The following SEMA6C variants were observed in gnomAD, a reference collection of about 807,000 sequenced individuals.
The protein encoded by SEMA6C is semaphorin 6C, also known as semaphorin-6C.
A neutral mutation model predicts 72.9 loss-of-function variants in SEMA6C; 37 were observed. That is an observed-to-expected ratio of 0.51 (90% CI 0.39 to 0.67). The LOEUF (loss-of-function observed/expected upper bound fraction) is 0.67, where lower values mean the gene tolerates loss of function less well. Among genes scored for constraint, SEMA6C ranks in the 30% least tolerant of loss-of-function variants. The probability of loss-of-function intolerance (pLI) is 0.00; values close to 1 mark genes in which losing one functional copy is unlikely to be tolerated. For missense variants in SEMA6C, 1,189 were observed against 1,263.6 expected (o/e 0.94, Z 0.89); for synonymous variants, 578 against 554.1 (o/e 1.04, Z -0.61).
At chr1:151,140,424 G>C (rs1330900952) in intron 3 of SEMA6C, among the ~76,000 whole-genome samples, 3 of 152,200 alleles carry the variant, frequency 2.0e-5, no homozygotes, top group African/African-American at 7.2e-5. Context: ...TCTGCCTCTG[G>C]AGTTGAGCCT....
chr1:151,142,511 G>A lies in SEMA6C; in HGVS notation c.111C>T (p.Asp37=), dbSNP rs776680132. ...TAGGTACTGGGCACTCACCTTGAAG[G>A]TCAGAGATCAACAGAGGGAGGGGGT... The part of the protein sequence containing the change: ...PQDPLPLLIS[D]LQGTSPLSWF... Residue 37 remains aspartate, a synonymous_variant, in exon 3 of 19, where the codon GAC becomes GAT. Transcript: ENST00000368914. 3 of 1,613,268 alleles carry A rather than the reference G, an allele frequency of 1.9e-6. No individual in the cohort carries two copies. In the African/African-American group the frequency reaches 4.0e-5, roughly 22 times the overall value.
chr1:151,135,977 G>A (rs1271798879), intron 13 of SEMA6C, 34 bp downstream of exon 13: 3 of 1,613,204 alleles, frequency 1.9e-6, no homozygotes, highest in South Asian at 2.2e-5. Context: ...GCTGAGAACA[G>A]GGAGGCAGTG....
chr1:151,139,587 C>T, intron 5 of SEMA6C, 51 bp downstream of exon 5: 2 of 1,607,364 alleles, frequency 1.2e-6, no homozygotes, highest in Non-Finnish European at 1.7e-6. Context: ...CACATTAGAC[C>T]TTTCCCAGCC....
Position 151,133,612 on chromosome 1 carries a change from A to G in SEMA6C, c.1760-95T>C. The G allele has an allele frequency of 1.4e-6, 2 of 1,432,264 alleles. No individual in the cohort carries two copies. Among genetic ancestry groups the G allele is most frequent in the South Asian group, 1.5e-5 (1 of 67,192 alleles). The allele number at this position is 1,432,264 out of a possible 1,614,324, so 88.7% of individuals were successfully genotyped here. A position where few individuals can be genotyped will look rare whatever the true frequency, so the allele number is the denominator to read the frequency against. ...GCCGGCAGTTCCCAGGCCTGACATC[A>G]TCGTCCCTCCCGCTGCTACTCAGCC... On this transcript the variant is annotated intron_variant, in intron 18 of 18. Coordinates refer to ENST00000368914, the MANE Select transcript of SEMA6C (RefSeq NM_030913.6). This position sits in a 1 kb window ranked among gnomAD's most constrained non-coding sequence, Gnocchi z 5.9.
At chr1:151,144,828 T>C (rs587664785) in intron 1 of SEMA6C, among the ~76,000 whole-genome samples, 1 of 152,284 alleles carries the variant, frequency 6.6e-6, no homozygotes, top group African/African-American at 2.4e-5. Flanking sequence ...TTACATGCTC[T>C]TCATTTCCAG....
In SEMA6C at chr1:151,132,153, G is replaced by C; in HGVS notation, c.*331C>G. 1.5e-6 allele frequency: 2 copies of C among 1,357,132 alleles called. No homozygotes were observed. The highest frequency in any genetic ancestry group is 1.9e-6 in the Non-Finnish European group (2 of 1,036,308). The allele number at this position is 1,357,132 out of a possible 1,614,324, so 84.1% of individuals were successfully genotyped here. ...CGAGGACTCTGGACACAGCGCGCGC[G>C]GCCCGCCCGGGGCACAGTCTCTGGG... On this transcript the variant is annotated 3_prime_UTR_variant, in exon 19 of 19. Coordinates refer to ENST00000368914, the MANE Select transcript of SEMA6C (RefSeq NM_030913.6).
At position 151,139,431 on chromosome 1, in the gene SEMA6C, C is replaced by T; in HGVS notation, c.348G>A (p.Lys116=). The T allele has an allele frequency of 6.2e-7, 1 of 1,613,910 alleles. No individual in the cohort carries two copies. Among genetic ancestry groups the T allele is most frequent in the Non-Finnish European group, 8.5e-7 (1 of 1,179,770 alleles). The change falls in exon 6 of 19, where the codon AAG becomes AAA. Residue 116 remains lysine, a synonymous_variant. Coordinates refer to ENST00000368914, the MANE Select transcript of SEMA6C (RefSeq NM_030913.6). ...QDVENCAVRG[K]LTDECYNYIR... ...TTCTCGTCTCACTCCTTACCGTCAG[C>T]TTTCCCCGTACAGCACAGTTCTCCA...
At chr1:151,137,253 G>A (rs1212870163) in intron 10 of SEMA6C, among the ~76,000 whole-genome samples, 179 bp from the exon 11 acceptor site, 2 of 152,106 alleles carry the variant, frequency 1.3e-5, no homozygotes, top group Admixed American at 1.3e-4. Flanking sequence ...AGACCATCCT[G>A]GCTAACATGG....
chr1:151,138,697 G>A lies in SEMA6C; in HGVS notation c.389C>T (p.Pro130Leu), dbSNP rs200239237. 7 of 1,614,162 alleles carry A rather than the reference G, an allele frequency of 4.3e-6. No individual in the cohort carries two copies. The East Asian group carries it at 6.7e-5, about 15-fold the overall frequency. Reference sequence around the variant, plus strand: ...GGCAAGGAGCGTCTGGGAGTCCCAGGGAACAAGAACACGAATATAGTTGTA... The same window carrying A: ...GGCAAGGAGCGTCTGGGAGTCCCAGAGAACAAGAACACGAATATAGTTGTA... ...ECYNYIRVLV[P>L]WDSQTLLACG... The change falls in exon 7 of 19, where the codon CCC becomes CTC. Residue 130 changes from proline to leucine, a missense_variant. This residue lies in a region of SEMA6C where 468 missense variants were observed against 577.4 expected (regional missense o/e 0.81). Transcript: ENST00000368914.
intron 3 of SEMA6C, among the ~76,000 whole-genome samples, chr1:151,141,200 A>G (rs1435863855): frequency 1.2e-5 from 1 of 80,364 alleles, no homozygotes; most frequent in Non-Finnish European, 2.5e-5. Context: ...TATGCTTTCT[A>G]TCATGGTGGG....
rs189079641 is a variant in SEMA6C at position 151,136,698 on chromosome 1, A to T, written c.975-119T>A. ...GAGATAGAGACTGAGGAGGTGGGGCAGCCACTGGGTGCCACACTAGGAGAA... is the reference window on the plus strand; with the variant it reads ...GAGATAGAGACTGAGGAGGTGGGGCTGCCACTGGGTGCCACACTAGGAGAA... On this transcript the variant is annotated intron_variant, in intron 11 of 18. Transcript: ENST00000368914. 8.0e-4 allele frequency: 1,139 copies of T among 1,419,636 alleles called. 8 individuals carry two copies. The East Asian group carries it at 0.011, about 14-fold the overall frequency. 87.9% of individuals were successfully genotyped at this position (1,419,636 alleles called of 1,614,324 possible).
chr1:151,140,468 T>C (rs1682437868), intron 3 of SEMA6C, among the ~76,000 whole-genome samples: 2 of 152,176 alleles, frequency 1.3e-5, no homozygotes. Flanking sequence ...GGGCTAGCAA[T>C]TTCCTTTCAC....
intron 7 of SEMA6C, 83 bp from the exon 8 acceptor site, chr1:151,138,489 C>T (rs192421680): frequency 2.3e-5 from 33 of 1,462,610 alleles, no homozygotes; most frequent in Non-Finnish European, 2.9e-5. Context: ...GTCCCGTTGC[C>T]TCCTCCCCAA....
Position 151,132,478 on chromosome 1 carries a change from CT to C in SEMA6C, c.*5del. The C allele has an allele frequency of 6.5e-7, 1 of 1,547,542 alleles. No individual in the cohort carries two copies. Among genetic ancestry groups the C allele is most frequent in the Non-Finnish European group, 8.7e-7 (1 of 1,145,316 alleles). On this transcript the variant is annotated 3_prime_UTR_variant, in exon 19 of 19. Coordinates refer to ENST00000368914, the MANE Select transcript of SEMA6C (RefSeq NM_030913.6). ...TCCCCACGCTGGAGGCCGTGGGCCGCTCCCTTTAAAAGTTGAAACGGCCGCC... is the reference window on the plus strand; with the variant it reads ...TCCCCACGCTGGAGGCCGTGGGCCGCCCCTTTAAAAGTTGAAACGGCCGCC...
chr1:151,133,162 C>T lies in SEMA6C; in HGVS notation c.2115G>A (p.Pro705=), dbSNP rs1446453642. The T allele has an allele frequency of 3.9e-6, 6 of 1,551,348 alleles. No individual in the cohort carries two copies. The highest frequency in any genetic ancestry group is 1.2e-5 in the South Asian group (1 of 83,356). ...CGCGGAGGTGCTTGACCGGCAGCTC[C>T]GGCGTGGACTCGGGGGTGGGCAGGC... ...LACLPTPEST[P]ELPVKHLRAA... The change falls in exon 19 of 19, where the codon CCG becomes CCA. Residue 705 remains proline (P), a synonymous_variant. Coordinates refer to ENST00000368914, the MANE Select transcript of SEMA6C (RefSeq NM_030913.6). The surrounding 1 kb of genome is among the most constrained non-coding windows in gnomAD (Gnocchi z 5.9).
Position 151,136,069 on chromosome 1 carries a change from G to A in SEMA6C, c.1201C>T (p.Leu401=). 6.2e-7 allele frequency: 1 copy of A among 1,614,166 alleles called. No individual in the cohort carries two copies. Among genetic ancestry groups the A allele is most frequent in the African/African-American group, 1.3e-5 (1 of 75,032 alleles). ...DVLTFIKAHP[L]LDPAVPPVTH... ...ACAGGTGGTACAGCGGGGTCCAGCA[G>A]CGGGTGAGCCTTGATGAAGGTCAGG... Residue 401 remains leucine (L), a synonymous_variant, in exon 13 of 19, where the codon CTG becomes TTG. Coordinates refer to ENST00000368914, the MANE Select transcript of SEMA6C (RefSeq NM_030913.6).
rs1283058917 is a variant in SEMA6C at position 151,132,910 on chromosome 1, A to AG, written c.2366dup (p.Leu790PhefsTer238). On this transcript the variant is annotated frameshift_variant, in exon 19 of 19. Transcript: ENST00000368914. LOFTEE classifies it low-confidence loss of function (END_TRUNC). ...CCGGCGGGAGCGCCCGCGAGGTTAA[A>AG]GGGGCGGGGGGCTCGGCCCCCTTTC... 1 of 1,360,116 alleles carries AG rather than the reference A, an allele frequency of 7.4e-7. No individual in the cohort carries two copies. The highest frequency in any genetic ancestry group is 3.5e-5 in the Admixed American group (1 of 28,518). 84.3% of individuals were successfully genotyped at this position (1,360,116 alleles called of 1,614,324 possible).
chr1:151,136,419 C>T (rs750856782), intron 12 of SEMA6C, 29 bp downstream of exon 12: 2 of 1,608,218 alleles, frequency 1.2e-6, no homozygotes, highest in African/African-American at 1.3e-5. Context: ...TTGCTTCTGC[C>T]CCCACAAAAA....
chr1:151,133,478 G>A lies in SEMA6C; in HGVS notation c.1799C>T (p.Ser600Phe). 2 of 1,543,598 alleles carry A rather than the reference G, an allele frequency of 1.3e-6. No homozygotes were observed. The highest frequency in any genetic ancestry group is 1.2e-5 in the South Asian group (1 of 85,528). Residue 600 changes from serine (S) to phenylalanine (F), a missense_variant, in exon 19 of 19, where the codon TCC becomes TTC. Coordinates refer to ENST00000368914, the MANE Select transcript of SEMA6C (RefSeq NM_030913.6). The surrounding 1 kb of genome is among the most constrained non-coding windows in gnomAD (Gnocchi z 5.9). ...GGCCAGGAGGAGTGGGATGGGGACGGAGCGGGAGGCCGAGGCTGGGGGCAG... is the reference window on the plus strand; with the variant it reads ...GGCCAGGAGGAGTGGGATGGGGACGAAGCGGGAGGCCGAGGCTGGGGGCAG... ...RDLPPASASR[S>F]VPIPLLLASV... is the part of the protein sequence containing the mutation.
Sources: allele counts gnomAD v4.1 joint callset (sites outside exome capture counted in the v4.1 genomes callset), GRCh38; gene constraint gnomAD v4.1.1; regional missense constraint gnomAD v4.1.1; non-coding constraint Gnocchi (gnomAD v3.1); transcripts MANE v1.5; gene names NCBI Gene and HGNC (gene_info 2026-07-23, HGNC 2026-07-21).